Variants in SMYD3 observed in about 807,000 individuals in gnomAD.
SMYD3 encodes the protein histone-lysine N-methyltransferase SMYD3.
Under a neutral mutation model 57.7 loss-of-function variants are expected in SMYD3, and 36 were observed. That is an observed-to-expected ratio of 0.62 (90% CI 0.48 to 0.82). The LOEUF (loss-of-function observed/expected upper bound fraction) is 0.82, where lower values mean the gene tolerates loss of function less well. SMYD3 is among the 40% of genes least tolerant of loss of function. SMYD3 has a pLI of 0.00. For synonymous variants in SMYD3, 211 were observed against 195.0 expected, an observed-to-expected ratio of 1.08 and a Z score of -0.68; for missense variants, 515 against 538.8, an observed-to-expected ratio of 0.96 and a Z score of 0.44.
intron 1 of SMYD3, among the ~76,000 whole-genome samples, chr1:246,408,862 G>A (rs914204418): frequency 6.6e-6 from 1 of 151,888 alleles, no homozygotes; most frequent in Admixed American, 6.6e-5. Context: ...TAGAGACAGG[G>A]TTTCACCATG....
chr1:246,297,889 A>G (rs114502120), intron 5 of SMYD3, among the ~76,000 whole-genome samples: 3,632 of 152,254 alleles, frequency 0.024, 153 homozygotes, highest in African/African-American at 0.082. Context: ...AGAGGTAGAC[A>G]GCTTTACTCT....
At chr1:246,198,669 T>G (rs1334835930) in intron 5 of SMYD3, among the ~76,000 whole-genome samples, 2 of 152,210 alleles carry the variant, frequency 1.3e-5, no homozygotes, top group African/African-American at 4.8e-5. Flanking sequence ...CCTCTGGTGC[T>G]TCTAAATCAT....
intron 1 of SMYD3, among the ~76,000 whole-genome samples, chr1:246,391,870 T>C (rs754671665): frequency 5.3e-5 from 8 of 152,190 alleles, no homozygotes; most frequent in Non-Finnish European, 1.2e-4. Context: ...CAGCATCCTA[T>C]AAATCTCATC....
At chr1:245,795,641 G>A (rs933957121) in intron 10 of SMYD3, among the ~76,000 whole-genome samples, 29 of 152,080 alleles carry the variant, frequency 1.9e-4, no homozygotes, top group Non-Finnish European at 3.1e-4. Context: ...TCACCAAGGA[G>A]TTCCCTGACT....
intron 5 of SMYD3, among the ~76,000 whole-genome samples, chr1:246,032,612 T>C (rs1475254560): frequency 6.6e-6 from 1 of 152,210 alleles, no homozygotes; most frequent in African/African-American, 2.4e-5. Flanking sequence ...GGAATCCTAA[T>C]TTGATAATTT....
intron 5 of SMYD3, among the ~76,000 whole-genome samples, chr1:246,298,434 T>C (rs10754508): frequency 0.11 from 16,130 of 152,096 alleles, 1,716 homozygotes; most frequent in African/African-American, 0.27. Context: ...AGTACATGAA[T>C]GTAAAAGAAA....
chr1:246,415,172 A>C (rs2102990800), intron 1 of SMYD3, among the ~76,000 whole-genome samples: 1 of 152,088 alleles, frequency 6.6e-6, no homozygotes, highest in African/African-American at 2.4e-5. Context: ...AAACTAACAA[A>C]CCCCTGGAAT....
At chr1:246,052,058 C>T (rs1443382412) in intron 5 of SMYD3, among the ~76,000 whole-genome samples, 4 of 152,314 alleles carry the variant, frequency 2.6e-5, no homozygotes, top group South Asian at 2.1e-4. Context: ...ATAAAATACA[C>T]TTAATTAGAT....
intron 10 of SMYD3, among the ~76,000 whole-genome samples, chr1:245,848,834 C>T (rs1221951763): frequency 6.6e-6 from 1 of 152,104 alleles, no homozygotes; most frequent in East Asian, 1.9e-4. Context: ...AACAGGTATC[C>T]TTGCTGCAGG....
intron 5 of SMYD3, among the ~76,000 whole-genome samples, chr1:246,232,196 T>C (rs139545873): frequency 2.5e-4 from 38 of 152,274 alleles, no homozygotes; most frequent in African/African-American, 9.1e-4. Context: ...AGGGGGTTAA[T>C]GAATGAAATG....
At chr1:246,360,326 T>C (rs1168165163) in intron 1 of SMYD3, among the ~76,000 whole-genome samples, 1 of 152,032 alleles carries the variant, frequency 6.6e-6, no homozygotes, top group African/African-American at 2.4e-5. Flanking sequence ...AATGGAAACA[T>C]GTCCCATGCT....
At chr1:246,112,976 T>C (rs2061273608) in intron 5 of SMYD3, among the ~76,000 whole-genome samples, 1 of 151,996 alleles carries the variant, frequency 6.6e-6, no homozygotes, top group Admixed American at 6.6e-5. Context: ...GGCCAGGAGT[T>C]CGAGACCAGC....
chr1:246,463,760 C>T (rs1371138195), intron 1 of SMYD3, among the ~76,000 whole-genome samples: 2 of 138,750 alleles, frequency 1.4e-5, no homozygotes, highest in Non-Finnish European at 3.0e-5. Context: ...GGCGTGAACC[C>T]AGGAGGCGGA....
intron 5 of SMYD3, among the ~76,000 whole-genome samples, chr1:246,286,312 G>C (rs1465309049): frequency 1.3e-5 from 2 of 152,048 alleles, no homozygotes; most frequent in East Asian, 3.9e-4. Flanking sequence ...AGGATGTGCA[G>C]ATTTGTTACA....
intron 10 of SMYD3, among the ~76,000 whole-genome samples, chr1:245,803,652 G>A (rs2047986864): frequency 6.6e-6 from 1 of 152,280 alleles, no homozygotes. Flanking sequence ...ATGCCTTCTG[G>A]AACTACTAGA....
intron 8 of SMYD3, among the ~76,000 whole-genome samples, chr1:245,884,140 A>T (rs541501393): frequency 2.0e-5 from 3 of 152,288 alleles, no homozygotes; most frequent in East Asian, 1.9e-4. Context: ...ATATCTTCTT[A>T]AAAAAGCCCA....
In SMYD3 at chr1:245,862,815, C is replaced by T. The variant is rs571060978; in HGVS notation, c.901+984G>A. On this transcript the variant is annotated intron_variant, in intron 9 of 11. Coordinates refer to ENST00000490107, the MANE Select transcript of SMYD3 (RefSeq NM_001167740.2). ...AAAGCTGTGACTCTGTGGATTCATT[C>T]GCTCTTGGAGAAACCAGGCAGCACT... Among the ~76,000 whole-genome samples the T allele has an allele frequency of 8.5e-5, 13 of 152,316 alleles. No homozygotes were observed. The South Asian group carries it at 2.1e-3, about 24-fold the overall frequency.
At chr1:246,406,442 T>C (rs1219942307) in intron 1 of SMYD3, among the ~76,000 whole-genome samples, 2 of 152,216 alleles carry the variant, frequency 1.3e-5, no homozygotes, top group Admixed American at 6.5e-5. Flanking sequence ...CTGGTAAAGA[T>C]GCACTATGAG....
At chr1:245,915,466 A>G in intron 8 of SMYD3, 64 bp downstream of exon 8, 1 of 1,017,584 alleles carries the variant, frequency 9.8e-7, no homozygotes, top group South Asian at 1.5e-5. Context: ...ATCTAGGCAG[A>G]GTTCTCTGAA....
Sources: allele counts gnomAD v4.1 joint callset (sites outside exome capture counted in the v4.1 genomes callset), GRCh38; gene constraint gnomAD v4.1.1; transcripts MANE v1.5; gene names NCBI Gene and HGNC (gene_info 2026-07-23, HGNC 2026-07-21).